The following LHFPL6 variants were observed in gnomAD, a reference collection of about 807,000 sequenced individuals.
LHFPL6 encodes LHFPL tetraspan subfamily member 6 protein.
In LHFPL6, 9 loss-of-function variants were observed where a neutral mutation model predicts 20.6. That is an observed-to-expected ratio of 0.44 (90% CI 0.26 to 0.76). The LOEUF (loss-of-function observed/expected upper bound fraction) is 0.76. LHFPL6 is among the 30% of genes least tolerant of loss of function. The pLI, the probability that LHFPL6 is intolerant of heterozygous loss-of-function variation, is 0.20. For missense variants in LHFPL6, 218 were observed against 253.5 expected, an observed-to-expected ratio of 0.86 and a Z score of 0.95; for synonymous variants, 105 against 98.7, an observed-to-expected ratio of 1.06 and a Z score of -0.38.
chr13:39,486,188 G>A (rs929944687), intron 2 of LHFPL6, among the ~76,000 whole-genome samples: 7 of 152,084 alleles, frequency 4.6e-5, no homozygotes, highest in African/African-American at 1.7e-4. Flanking sequence ...GAGTGGAAGT[G>A]GAATTTCTAG....
intron 2 of LHFPL6, among the ~76,000 whole-genome samples, chr13:39,451,999 A>G (rs999560803): frequency 6.6e-6 from 1 of 152,216 alleles, no homozygotes; most frequent in Non-Finnish European, 1.5e-5. Context: ...GACCAGGGCC[A>G]TGAACTGAAT....
rs376973293 is a variant in LHFPL6 at position 39,576,738 on chromosome 13, A to T, written c.385+24094T>A. Among the ~76,000 whole-genome samples the T allele has an allele frequency of 3.2e-4, 49 of 152,194 alleles. No homozygotes were observed. In the East Asian group the frequency reaches 5.0e-3, roughly 16 times the overall value. The stretch of plus-strand genomic sequence containing the variant: ...AGCCTCGACTTCCTAGGTTCAAGTG[A>T]TCCTCACAACTCGGCCTCCTGAGTA... On this transcript the variant is annotated intron_variant, in intron 2 of 3. Transcript: ENST00000379589.
chr13:39,523,336 G>A (rs989612391), intron 2 of LHFPL6, among the ~76,000 whole-genome samples: 1 of 152,114 alleles, frequency 6.6e-6, no homozygotes, highest in African/African-American at 2.4e-5. Context: ...TTGGGAGGCC[G>A]AGGCGGGCGG....
intron 2 of LHFPL6, among the ~76,000 whole-genome samples, chr13:39,394,911 G>T (rs1042382348): frequency 1.3e-5 from 2 of 152,188 alleles, no homozygotes; most frequent in African/African-American, 4.8e-5. Context: ...CAGAAAAGAA[G>T]AAAGTACTTG....
chr13:39,394,785 C>G (rs1870802263), intron 2 of LHFPL6, among the ~76,000 whole-genome samples: 1 of 152,142 alleles, frequency 6.6e-6, no homozygotes, highest in Non-Finnish European at 1.5e-5. Context: ...ATCTAGGCTG[C>G]AGCTCAAAGA....
intron 2 of LHFPL6, among the ~76,000 whole-genome samples, chr13:39,522,368 C>G (rs557477764): frequency 5.6e-4 from 85 of 152,312 alleles, no homozygotes; most frequent in African/African-American, 1.9e-3. Context: ...AGTCTGGCTC[C>G]AGAGTCCATG....
Position 39,571,453 on chromosome 13 carries a change from G to A in LHFPL6, c.385+29379C>T, listed in dbSNP as rs570853678. Among the ~76,000 whole-genome samples, 4 of 152,326 alleles carry A rather than the reference G, an allele frequency of 2.6e-5. No homozygotes were observed. In the South Asian group the frequency reaches 8.3e-4, roughly 32 times the overall value. On this transcript the variant is annotated intron_variant, in intron 2 of 3. Transcript: ENST00000379589. ...CAGTCAGTAGAGGAGGAGACGACCTGACTTCAGGGAGGTGACAGCCTGACA... is the reference window on the plus strand; with the variant it reads ...CAGTCAGTAGAGGAGGAGACGACCTAACTTCAGGGAGGTGACAGCCTGACA...
chr13:39,506,680 A>G (rs1157529078), intron 2 of LHFPL6, among the ~76,000 whole-genome samples: 1 of 152,106 alleles, frequency 6.6e-6, no homozygotes, highest in Non-Finnish European at 1.5e-5. Context: ...TCAGGGTGGG[A>G]AAGGGTTGAA....
At chr13:39,475,230 G>A (rs1375498974) in intron 2 of LHFPL6, among the ~76,000 whole-genome samples, 1 of 152,158 alleles carries the variant, frequency 6.6e-6, no homozygotes, top group African/African-American at 2.4e-5. Context: ...AGAAACTGGA[G>A]GGTGACAATC....
At chr13:39,436,546 A>T (rs2138410002) in intron 2 of LHFPL6, among the ~76,000 whole-genome samples, 1 of 152,180 alleles carries the variant, frequency 6.6e-6, no homozygotes, top group Non-Finnish European at 1.5e-5. Flanking sequence ...TGAGATACAT[A>T]TTTCTTCTCC....
At chr13:39,410,188 A>G (rs146201877) in intron 2 of LHFPL6, among the ~76,000 whole-genome samples, 1 of 152,386 alleles carries the variant, frequency 6.6e-6, no homozygotes, top group East Asian at 1.9e-4. Flanking sequence ...TTTGAAAGAA[A>G]AAAAGAAACC....
chr13:39,385,460 A>G (rs958973475), intron 2 of LHFPL6, among the ~76,000 whole-genome samples: 66 of 152,396 alleles, frequency 4.3e-4, no homozygotes, highest in African/African-American at 1.5e-3. Flanking sequence ...TGCTGTGATG[A>G]AAGTCTGTTC....
At chr13:39,551,691 A>C (rs756808082) in intron 2 of LHFPL6, among the ~76,000 whole-genome samples, 26 of 152,206 alleles carry the variant, frequency 1.7e-4, no homozygotes, top group African/African-American at 2.7e-4. Flanking sequence ...AGAAGAATTG[A>C]TTTTAACAAT....
intron 2 of LHFPL6, among the ~76,000 whole-genome samples, chr13:39,407,478 G>A (rs979638292): frequency 6.6e-6 from 1 of 152,176 alleles, no homozygotes; most frequent in Admixed American, 6.5e-5. Flanking sequence ...TCCTTCCCAG[G>A]TAAGTGCCAA....
intron 3 of LHFPL6, among the ~76,000 whole-genome samples, chr13:39,371,939 C>T (rs1307808210): frequency 6.6e-6 from 1 of 152,186 alleles, no homozygotes; most frequent in Non-Finnish European, 1.5e-5. Flanking sequence ...TGTTTAAAGC[C>T]ACAAGTGCCA....
intron 2 of LHFPL6, among the ~76,000 whole-genome samples, chr13:39,546,188 T>G (rs1870977935): frequency 6.6e-6 from 1 of 152,066 alleles, no homozygotes; most frequent in African/African-American, 2.4e-5. Context: ...TGAGATTAGA[T>G]ATAAGAAATT....
At chr13:39,543,690 G>T (rs1021700017) in intron 2 of LHFPL6, among the ~76,000 whole-genome samples, 1 of 152,100 alleles carries the variant, frequency 6.6e-6, no homozygotes, top group Non-Finnish European at 1.5e-5. Flanking sequence ...AAATAGTGCT[G>T]GATTGGGAGT....
At chr13:39,565,009 C>T (rs905401119) in intron 2 of LHFPL6, among the ~76,000 whole-genome samples, 5 of 152,128 alleles carry the variant, frequency 3.3e-5, no homozygotes, top group African/African-American at 4.8e-5. Context: ...GGATGAGTGG[C>T]AATCCCAAGG....
intron 2 of LHFPL6, among the ~76,000 whole-genome samples, chr13:39,541,855 C>T (rs1461750558): frequency 6.6e-6 from 1 of 151,570 alleles, no homozygotes; most frequent in Admixed American, 6.6e-5. Context: ...TTTGGGAGGC[C>T]GAGGTGGGTG....
Sources: allele counts gnomAD v4.1 joint callset (sites outside exome capture counted in the v4.1 genomes callset), GRCh38; gene constraint gnomAD v4.1.1; transcripts MANE v1.5; gene names NCBI Gene and HGNC (gene_info 2026-07-23, HGNC 2026-07-21).